The following LINGO2 variants were observed in gnomAD, a reference collection of about 807,000 sequenced individuals.
The protein encoded by LINGO2 is leucine rich repeat and Ig domain containing 2, also known as leucine-rich repeat and immunoglobulin-like domain-containing nogo receptor-interacting protein 2.
Under a neutral mutation model 30.6 loss-of-function variants are expected in LINGO2, and 14 were observed. That is an observed-to-expected ratio of 0.46 (90% CI 0.30 to 0.72). LINGO2 has a LOEUF of 0.72. Among genes scored for constraint, LINGO2 ranks in the 30% least tolerant of loss-of-function variants. The probability of loss-of-function intolerance (pLI) is 0.07; values close to 1 mark genes in which losing one functional copy is unlikely to be tolerated. For missense variants in LINGO2, 729 were observed against 751.7 expected (o/e 0.97, Z 0.35); for synonymous variants, 317 against 288.5 (o/e 1.10, Z -1.00).
chr9:28,226,630 AGAAGGAAAGAAG>A (rs756041072), intron 4 of LINGO2, among the ~76,000 whole-genome samples: 5,719 of 78,502 alleles, frequency 0.073, 235 homozygotes, highest in African/African-American at 0.14. Context: ...AAAGAAGGAA[AGAAGGAAAGAAG>A]GAAAGAAAGA....
At chr9:27,985,444 G>A (rs1821080137) in intron 5 of LINGO2, among the ~76,000 whole-genome samples, 1 of 151,842 alleles carries the variant, frequency 6.6e-6, no homozygotes, top group Admixed American at 6.6e-5. Context: ...GGACTCAGGA[G>A]CCCTTGGCTT....
chr9:28,117,454 C>T (rs1243765486), intron 4 of LINGO2, among the ~76,000 whole-genome samples: 122 of 101,972 alleles, frequency 1.2e-3, no homozygotes, highest in African/African-American at 3.3e-3. Flanking sequence ...TCGAGCTTCC[C>T]GGCTGCTTTG....
intron 3 of LINGO2, among the ~76,000 whole-genome samples, chr9:28,300,282 T>A (rs530799974): frequency 6.6e-6 from 1 of 152,138 alleles, no homozygotes; most frequent in Non-Finnish European, 1.5e-5. Flanking sequence ...AAGCTGCAAA[T>A]AATCTTGCAA....
the LINGO2 span, among the ~76,000 whole-genome samples, chr9:28,857,181 T>C: frequency 6.6e-6 from 1 of 152,064 alleles, no homozygotes; most frequent in East Asian, 1.9e-4. Context: ...TGTTAATTGT[T>C]ATAGAGAAGA....
chr9:28,730,117 A>C, the LINGO2 span, among the ~76,000 whole-genome samples: 1 of 152,208 alleles, frequency 6.6e-6, no homozygotes, highest in Non-Finnish European at 1.5e-5. Flanking sequence ...ATTCTCAAAA[A>C]TGTATCTGCC....
chr9:28,158,490 G>C lies in LINGO2; in HGVS notation c.-87+136718C>G, dbSNP rs185061149. On this transcript the variant is annotated intron_variant, in intron 4 of 5. Transcript: ENST00000379992. ...GGAGTTTGAAGACAAAAGAAAAGCA[G>C]ACTTCCTCTCTCCCTAGCCTTTTCT... is the stretch of plus-strand genomic sequence containing the variant. 3.9e-5 allele frequency among the ~76,000 whole-genome samples: 6 copies of C among 152,306 alleles called. No individual in the cohort carries two copies. In the East Asian group the frequency reaches 9.7e-4, roughly 25 times the overall value.
chr9:28,876,789 T>C, the LINGO2 span, among the ~76,000 whole-genome samples: 1 of 152,122 alleles, frequency 6.6e-6, no homozygotes, highest in African/African-American at 2.4e-5. Context: ...CTGGGTCAAA[T>C]GGTAATTCTA....
chr9:28,310,156 C>T (rs1564113273), intron 3 of LINGO2, among the ~76,000 whole-genome samples: 1 of 152,080 alleles, frequency 6.6e-6, no homozygotes, highest in African/African-American at 2.4e-5. Flanking sequence ...TAAGCATACA[C>T]AAATATATAG....
intron 1 of LINGO2, among the ~76,000 whole-genome samples, chr9:28,482,766 T>C (rs986737120): frequency 6.6e-6 from 1 of 152,082 alleles, no homozygotes; most frequent in Non-Finnish European, 1.5e-5. Context: ...ATTTAATAAA[T>C]GGTGCTGGGA....
intron 4 of LINGO2, among the ~76,000 whole-genome samples, chr9:28,056,812 T>C (rs922750286): frequency 5.3e-5 from 8 of 152,208 alleles, no homozygotes; most frequent in Non-Finnish European, 1.0e-4. Context: ...TCTTTTATAA[T>C]GAAGTGTCAT....
At chr9:28,081,598 C>T (rs769600847) in intron 4 of LINGO2, among the ~76,000 whole-genome samples, 9 of 152,188 alleles carry the variant, frequency 5.9e-5, no homozygotes, top group Non-Finnish European at 1.0e-4. Context: ...GGATAGAGAA[C>T]GAGCTATATT....
chr9:28,141,297 C>T (rs1257557593), intron 4 of LINGO2, among the ~76,000 whole-genome samples: 1 of 152,134 alleles, frequency 6.6e-6, no homozygotes, highest in Non-Finnish European at 1.5e-5. Context: ...CTTCAGTGGG[C>T]AGAATTGCCA....
At chr9:28,476,466 G>A (rs1292492094) in intron 1 of LINGO2, among the ~76,000 whole-genome samples, 7 of 152,122 alleles carry the variant, frequency 4.6e-5, no homozygotes, top group East Asian at 3.9e-4. Flanking sequence ...TAGTAGAGAC[G>A]GGGTTTCACC....
chr9:28,457,249 A>T (rs12003175), intron 2 of LINGO2, among the ~76,000 whole-genome samples: 3,885 of 152,272 alleles, frequency 0.026, 162 homozygotes, highest in African/African-American at 0.086. Context: ...TTTCCTTGCA[A>T]GGGACCAACT....
At chr9:28,978,305 A>G in the LINGO2 span, among the ~76,000 whole-genome samples, 1 of 152,126 alleles carries the variant, frequency 6.6e-6, no homozygotes, top group Non-Finnish European at 1.5e-5. Context: ...TGGAGTGAGA[A>G]CAACTGTAAC....
intron 1 of LINGO2, among the ~76,000 whole-genome samples, chr9:28,527,157 G>A (rs113197969): frequency 2.0e-5 from 3 of 152,112 alleles, no homozygotes; most frequent in South Asian, 4.2e-4. Context: ...TAATCTTCTC[G>A]CTGTACAGGC....
the LINGO2 span, among the ~76,000 whole-genome samples, chr9:28,736,463 A>G: frequency 3.9e-5 from 6 of 152,130 alleles, no homozygotes; most frequent in African/African-American, 1.4e-4. Flanking sequence ...TCATTTATAA[A>G]CTGTTCAAGA....
chr9:28,795,983 T>TACACACACACACACACAC, the LINGO2 span, among the ~76,000 whole-genome samples: 18 of 138,246 alleles, frequency 1.3e-4, no homozygotes, highest in African/African-American at 1.9e-4. Context: ...CAGTACTAGA[T>TACACACACACACACACAC]ACACACACAC....
intron 2 of LINGO2, among the ~76,000 whole-genome samples, chr9:28,446,796 A>T (rs1824440198): frequency 6.6e-6 from 1 of 152,232 alleles, no homozygotes; most frequent in African/African-American, 2.4e-5. Flanking sequence ...ACAAAATACA[A>T]GTAAGCAAAT....
Sources: gnomAD v4.1 joint callset for allele counts (sites outside exome capture counted in the v4.1 genomes callset) on GRCh38, gnomAD v4.1.1 for gene constraint, MANE v1.5 for transcripts, NCBI Gene and HGNC (gene_info 2026-07-23, HGNC 2026-07-21) for gene names.